The following ACOT1 variants were observed in gnomAD, a reference collection of about 807,000 sequenced individuals.
ACOT1 encodes the protein acyl-CoA thioesterase 1, also known as acyl-coenzyme A thioesterase 1.
A neutral mutation model predicts 15.7 loss-of-function variants in ACOT1; 8 were observed. The observed-to-expected ratio is 0.51, with a 90% CI of 0.30 to 0.92. The LOEUF (loss-of-function observed/expected upper bound fraction) is 0.92. ACOT1 is among the 40% of genes least tolerant of loss of function. ACOT1 has a pLI of 0.06. For synonymous variants in ACOT1, 67 were observed against 241.2 expected, an observed-to-expected ratio of 0.28 and a Z score of 6.69; for missense variants, 151 against 539.4, an observed-to-expected ratio of 0.28 and a Z score of 7.13.
chr14:73,530,287 G>C, the ACOT1 span: 9 of 143,884 alleles, frequency 6.3e-5, no homozygotes, highest in African/African-American at 2.2e-4. Flanking sequence ...TCAGACTCTT[G>C]TGTCCTACTC....
the ACOT1 span, among the ~76,000 whole-genome samples, chr14:73,525,878 G>A: frequency 6.6e-6 from 1 of 151,826 alleles, no homozygotes; most frequent in Non-Finnish European, 1.5e-5. Context: ...GCTTGAACCT[G>A]GGAAGCAGAG....
the ACOT1 span, among the ~76,000 whole-genome samples, chr14:73,521,528 A>T: frequency 6.6e-6 from 1 of 152,228 alleles, no homozygotes; most frequent in Non-Finnish European, 1.5e-5. Flanking sequence ...GTGCCTGGAA[A>T]GTAGCAAGAA....
the ACOT1 span, among the ~76,000 whole-genome samples, chr14:73,510,424 TTTTTTG>T: frequency 6.9e-6 from 1 of 145,610 alleles, no homozygotes; most frequent in African/African-American, 2.6e-5. Flanking sequence ...TGGCTGGAGT[TTTTTTG>T]TTTTTGTTTT....
the ACOT1 span, chr14:73,528,810 C>T: frequency 1.3e-5 from 2 of 152,160 alleles, no homozygotes; most frequent in East Asian, 3.9e-4. Context: ...AGGCAAGTCT[C>T]TGGGTCCTAC....
At chr14:73,503,814 G>T in the ACOT1 span, among the ~76,000 whole-genome samples, 1 of 152,172 alleles carries the variant, frequency 6.6e-6, no homozygotes, top group Non-Finnish European at 1.5e-5. Flanking sequence ...TGCGTCGGAT[G>T]TGGTCAGAAA....
the ACOT1 span, chr14:73,500,462 G>A: frequency 7.4e-7 from 1 of 1,352,686 alleles, no homozygotes; most frequent in South Asian, 1.4e-5. Context: ...TGTCCCCACA[G>A]AATGTTGAGC....
chr14:73,524,310 A>AAAAAAAAAATATAT, the ACOT1 span, among the ~76,000 whole-genome samples: 3 of 54,780 alleles, frequency 5.5e-5, no homozygotes, highest in Non-Finnish European at 9.3e-5. Context: ...AAAAAAAAAA[A>AAAAAAAAAATATAT]ATATATATAT....
the ACOT1 span, chr14:73,508,172 G>A: frequency 6.2e-7 from 1 of 1,614,104 alleles, no homozygotes. Context: ...ATATAAGACT[G>A]TTCCTCAGTG....
chr14:73,531,893 C>G, the ACOT1 span, among the ~76,000 whole-genome samples: 1 of 113,080 alleles, frequency 8.8e-6, no homozygotes, highest in Non-Finnish European at 1.9e-5. Context: ...TCAGCTGGGC[C>G]TGGTGGCGCA....
the ACOT1 span, chr14:73,500,434 T>C: frequency 3.5e-6 from 4 of 1,151,614 alleles, no homozygotes; most frequent in Non-Finnish European, 4.9e-6. Context: ...CCCTTCCCAG[T>C]TCCAATCTCT....
chr14:73,527,961 CAAAAAAAAAAAAA>C, the ACOT1 span, among the ~76,000 whole-genome samples: 8 of 52,678 alleles, frequency 1.5e-4, no homozygotes, highest in African/African-American at 2.9e-4. Context: ...AACTCCATCT[CAAAAAAAAAAAAA>C]AAAAAAAAAA....
At chr14:73,491,077 C>A in the ACOT1 span, 2 of 1,597,330 alleles carry the variant, frequency 1.3e-6, no homozygotes, top group African/African-American at 1.4e-5. Flanking sequence ...AGCGCCGGCG[C>A]AAGCCCCAGC....
chr14:73,513,591 G>A, the ACOT1 span, among the ~76,000 whole-genome samples: 1 of 151,652 alleles, frequency 6.6e-6, no homozygotes, highest in Admixed American at 6.6e-5. Context: ...ACCAAGTGTG[G>A]TGGCGGGTGC....
At chr14:73,501,754 TTTA>T in the ACOT1 span, among the ~76,000 whole-genome samples, 2 of 151,280 alleles carry the variant, frequency 1.3e-5, no homozygotes, top group South Asian at 2.1e-4. Context: ...TTTATTTTAT[TTTA>T]TTATTATTAT....
At chr14:73,518,994 C>T in the ACOT1 span, 1 of 1,597,036 alleles carries the variant, frequency 6.3e-7, no homozygotes, top group Non-Finnish European at 8.5e-7. Flanking sequence ...GTTATTAACC[C>T]CTGCCTTCCC....
At chr14:73,539,341 C>T (rs1356006989) in intron 1 of ACOT1, 1 of 122,102 alleles carries the variant, frequency 8.2e-6, no homozygotes, top group African/African-American at 2.8e-5. Context: ...TCCTCTTGGC[C>T]TCGAATGGTA....
At chr14:73,512,123 C>T in the ACOT1 span, 1 of 1,614,146 alleles carries the variant, frequency 6.2e-7, no homozygotes, top group Middle Eastern at 1.6e-4. Flanking sequence ...AGCAGGTTCT[C>T]TACTGTCTCA....
chr14:73,501,269 C>T, the ACOT1 span, among the ~76,000 whole-genome samples: 3 of 152,044 alleles, frequency 2.0e-5, no homozygotes, highest in African/African-American at 7.2e-5. Flanking sequence ...TAGGCGCCCA[C>T]CACCACGCCT....
chr14:73,520,224 G>A, the ACOT1 span: 1 of 152,196 alleles, frequency 6.6e-6, no homozygotes, highest in Non-Finnish European at 1.5e-5. Context: ...TATCCTGGAA[G>A]CCCAGGCATC....
Sources: allele counts gnomAD v4.1 joint callset (sites outside exome capture counted in the v4.1 genomes callset), GRCh38; gene constraint gnomAD v4.1.1; transcripts MANE v1.5; gene names NCBI Gene and HGNC (gene_info 2026-07-23, HGNC 2026-07-21).